The following ALS2 variants were observed in gnomAD, a reference collection of about 807,000 sequenced individuals.
ALS2 encodes the protein alsin Rho guanine nucleotide exchange factor ALS2, also known as alsin.
ALS2 carries 117 observed loss-of-function variants against 203.4 expected under a neutral mutation model. The ratio of observed to expected loss-of-function variants is 0.58; its 90% confidence interval spans 0.50 to 0.67. The LOEUF (loss-of-function observed/expected upper bound fraction) is 0.67. Among genes scored for constraint, ALS2 ranks in the 30% least tolerant of loss-of-function variants. The pLI, the probability that ALS2 is intolerant of heterozygous loss-of-function variation, is 0.00. For missense variants in ALS2, 1,715 were observed against 1,989.4 expected (o/e 0.86, Z 2.62); for synonymous variants, 718 against 725.9 (o/e 0.99, Z 0.17).
chr2:201,771,740 G>A (rs572214596), intron 1 of ALS2, among the ~76,000 whole-genome samples: 32 of 152,242 alleles, frequency 2.1e-4, no homozygotes, highest in African/African-American at 6.3e-4. Context: ...AACATTTTAA[G>A]TTTTTATAAA....
chr2:201,720,734 C>A (rs1690734446), intron 23 of ALS2, among the ~76,000 whole-genome samples: 1 of 151,302 alleles, frequency 6.6e-6, no homozygotes, highest in African/African-American at 2.4e-5. Context: ...CACACACACA[C>A]ACAAACACAC....
At chr2:201,769,523 C>T (rs763467800) in intron 1 of ALS2, among the ~76,000 whole-genome samples, 2 of 152,110 alleles carry the variant, frequency 1.3e-5, no homozygotes, top group African/African-American at 2.4e-5. Context: ...ATAACCCAAA[C>T]GGTTGAAAGA....
In ALS2 at chr2:201,767,323, G is replaced by A. The variant is rs1458688337; in HGVS notation, c.81C>T (p.Ser27=). Residue 27 remains serine, a synonymous_variant, in exon 3 of 34, where the codon TCC becomes TCT. Transcript: ENST00000264276. ...GCAATCTCTCTGGTGTTATGGGAAA[G>A]GATCCTGCCTGCCAGATATGGACCA... The part of the protein sequence containing the change: ...RGLVHIWQAG[S]FPITPERLPG... The A allele has an allele frequency of 6.2e-7, 1 of 1,613,958 alleles. No individual in the cohort carries two copies. Among genetic ancestry groups the A allele is most frequent in the Admixed American group, 1.7e-5 (1 of 59,988 alleles).
intron 23 of ALS2, among the ~76,000 whole-genome samples, chr2:201,721,747 T>C (rs1040787538): frequency 6.6e-6 from 1 of 152,154 alleles, no homozygotes; most frequent in African/African-American, 2.4e-5. Context: ...CACTGCAAAC[T>C]CCGCCTCCCA....
At chr2:201,733,112 C>T (rs1691677471) in intron 13 of ALS2, among the ~76,000 whole-genome samples, 164 bp downstream of exon 13, 1 of 152,218 alleles carries the variant, frequency 6.6e-6, no homozygotes, top group Non-Finnish European at 1.5e-5. Context: ...AATTTATCTA[C>T]AGTCATACTT....
intron 12 of ALS2, 158 bp downstream of exon 12, chr2:201,738,512 T>C (rs890819091): frequency 2.7e-5 from 19 of 698,176 alleles, no homozygotes; most frequent in Admixed American, 1.9e-4. Flanking sequence ...CAGTGGCTAA[T>C]AGTACCTGTC....
chr2:201,759,965 C>G, intron 4 of ALS2: 1 of 983,678 alleles, frequency 1.0e-6, no homozygotes, highest in Non-Finnish European at 1.2e-6. Flanking sequence ...TTACCATGTG[C>G]TACTGATAAA....
At chr2:201,770,881 T>C (rs7561592) in intron 1 of ALS2, among the ~76,000 whole-genome samples, 72,911 of 152,012 alleles carry the variant, frequency 0.48, 20,525 homozygotes, top group Non-Finnish European at 0.62. Flanking sequence ...CACCTTGACT[T>C]TAGTCTACAA....
chr2:201,730,155 G>A (rs1450933267), intron 13 of ALS2, among the ~76,000 whole-genome samples: 2 of 152,142 alleles, frequency 1.3e-5, no homozygotes, highest in East Asian at 3.8e-4. Context: ...CTTGCTATGT[G>A]GTAGATTCTT....
At chr2:201,763,531 A>G (rs962725389) in intron 3 of ALS2, 7 of 314,074 alleles carry the variant, frequency 2.2e-5, no homozygotes, top group Non-Finnish European at 4.0e-5. Context: ...CCCACACCAG[A>G]GTCTCCAGAC....
chr2:201,711,163 G>T, intron 25 of ALS2, 55 bp from the exon 26 acceptor site: 1 of 1,093,004 alleles, frequency 9.1e-7, no homozygotes, highest in Non-Finnish European at 1.4e-6. Context: ...AGCAAGATAC[G>T]TGTAAATACT....
rs578253808 is a variant in ALS2 at position 201,772,850 on chromosome 2, A to ATTT, written c.-60-3908_-60-3906dup. Among the ~76,000 whole-genome samples, 253 of 108,806 alleles carry ATTT rather than the reference A, an allele frequency of 2.3e-3. 6 individuals are homozygous for ATTT. The highest frequency in any genetic ancestry group is 7.3e-3 in the African/African-American group (202 of 27,786). The allele number at this position is 108,806 out of a possible 152,430, so 71.4% of individuals were successfully genotyped here. On this transcript the variant is annotated intron_variant, in intron 1 of 33. Transcript: ENST00000264276. ...GGGACAGTCTATGGATGCTTTCATGATTTTTTTTTTTTTTTTTTTTTTCAT... is the reference window on the plus strand; with the variant it reads ...GGGACAGTCTATGGATGCTTTCATGATTTTTTTTTTTTTTTTTTTTTTTTTCAT...
rs1331456845 is a variant in ALS2, at chr2:201,700,737, T to C, written c.*1114A>G. ...AGGACACTCTGTATGCTCACCACGG[T>C]GTAGGAGATGAGATGAGGAAGAGCA... On this transcript the variant is annotated 3_prime_UTR_variant, in exon 34 of 34. Transcript: ENST00000264276. 1 of 152,584 alleles carries C rather than the reference T, an allele frequency of 6.6e-6. No individual in the cohort carries two copies. The highest frequency in any genetic ancestry group is 1.5e-5 in the Non-Finnish European group (1 of 68,024). The allele number at this position is 152,584 out of a possible 1,614,324, so 9.5% of individuals were successfully genotyped here.
In ALS2 at chr2:201,726,765, T is replaced by C; in HGVS notation, c.3081A>G (p.Glu1027=). The change falls in exon 18 of 34, where the codon GAA becomes GAG. Residue 1027 remains glutamate, a synonymous_variant. Transcript: ENST00000264276. ...ATTTGGCACTGCGTGAAATGGGTGG[T>C]TCCTGTCTCTGAACACTGCTACCAC... ...YGSGSSVQRQ[E]PPISRSAKYT... 6.2e-7 allele frequency: 1 copy of C among 1,614,070 alleles called. No homozygotes were observed. Among genetic ancestry groups the C allele is most frequent in the Admixed American group, 1.7e-5 (1 of 60,004 alleles).
rs1691183875 is a variant in ALS2 at position 201,726,691 on chromosome 2, C to T, written c.3155G>A (p.Arg1052His). Reference sequence around the variant, plus strand: ...GCCATGAGGCTTCCCTGAAAGCCAGCGTCCATCATAGGTGGCATCCTTTAG... The same window carrying T: ...GCCATGAGGCTTCCCTGAAAGCCAGTGTCCATCATAGGTGGCATCCTTTAG... ...PRLKDATYDGRWLSGKPHGRG... is the reference protein window; with the variant it reads ...PRLKDATYDGHWLSGKPHGRG... The change falls in exon 18 of 34, where the codon CGC becomes CAC. Residue 1052 changes from arginine (R) to histidine (H), a missense_variant. Around this residue, in one of 3 missense-constraint regions of ALS2, gnomAD observed 1,227 missense variants for 1,413.5 expected, o/e 0.87. Transcript: ENST00000264276. 3 of 1,614,166 alleles carry T rather than the reference C, an allele frequency of 1.9e-6. No homozygotes were observed. The highest frequency in any genetic ancestry group is 2.5e-6 in the Non-Finnish European group (3 of 1,180,014).
intron 11 of ALS2, chr2:201,741,452 GAAGAA>G (rs1692262642): frequency 3.9e-6 from 2 of 517,474 alleles, no homozygotes; most frequent in Non-Finnish European, 3.5e-6. Context: ...CTAGAATATA[GAAGAA>G]AACATGATAA....
chr2:201,707,073 A>C, intron 28 of ALS2, 51 bp from the exon 29 acceptor site: 1 of 1,530,256 alleles, frequency 6.5e-7, no homozygotes, highest in Non-Finnish European at 8.9e-7. Flanking sequence ...ATTAAAATTG[A>C]ATACAGAATC....
At chr2:201,774,671 G>C (rs545078296) in intron 1 of ALS2, among the ~76,000 whole-genome samples, 1 of 152,050 alleles carries the variant, frequency 6.6e-6, no homozygotes, top group African/African-American at 2.4e-5. Context: ...GGCTTAATTC[G>C]GTGAAAGGTA....
At chr2:201,724,576 T>A in intron 20 of ALS2, 117 bp from the exon 21 acceptor site, 1 of 1,063,228 alleles carries the variant, frequency 9.4e-7, no homozygotes, top group Non-Finnish European at 1.4e-6. Flanking sequence ...TAATTATTTG[T>A]TTATATGATT....
Sources: gnomAD v4.1 joint callset for allele counts (sites outside exome capture counted in the v4.1 genomes callset) on GRCh38, gnomAD v4.1.1 for gene constraint, gnomAD v4.1.1 regional missense constraint, MANE v1.5 for transcripts, NCBI Gene and HGNC (gene_info 2026-07-23, HGNC 2026-07-21) for gene names.